Variants in DPP6 observed in about 807,000 individuals in gnomAD.
DPP6 encodes the protein A-type potassium channel modulatory protein DPP6.
DPP6 carries 69 observed loss-of-function variants against 122.6 expected under a neutral mutation model. That is an observed-to-expected ratio of 0.56 (90% CI 0.46 to 0.69). The LOEUF (loss-of-function observed/expected upper bound fraction) is 0.69. Ranked by LOEUF, DPP6 falls within the 30% of genes least tolerant of loss-of-function variation. DPP6 has a pLI of 0.00. For missense variants in DPP6, 928 were observed against 1,116.9 expected, an observed-to-expected ratio of 0.83 and a Z score of 2.41; for synonymous variants, 418 against 433.1, an observed-to-expected ratio of 0.97 and a Z score of 0.43.
chr7:154,819,984 C>T (rs549128884), intron 16 of DPP6, among the ~76,000 whole-genome samples: 74 of 152,262 alleles, frequency 4.9e-4, no homozygotes, highest in African/African-American at 1.7e-3. Flanking sequence ...CCAGAGTGGA[C>T]GGTGGGGCTG....
At chr7:154,406,099 GTC>G (rs1164278114) in intron 1 of DPP6, among the ~76,000 whole-genome samples, 1 of 152,168 alleles carries the variant, frequency 6.6e-6, no homozygotes, top group Non-Finnish European at 1.5e-5. Context: ...ATGCTGTAAA[GTC>G]TATGCAAAAT....
chr7:154,786,456 G>C (rs1026875121), intron 10 of DPP6, among the ~76,000 whole-genome samples: 1 of 152,124 alleles, frequency 6.6e-6, no homozygotes, highest in African/African-American at 2.4e-5. Flanking sequence ...AATCATGGGG[G>C]CAGTTACTCC....
At chr7:154,745,721 G>C (rs1843006744) in intron 8 of DPP6, among the ~76,000 whole-genome samples, 1 of 152,240 alleles carries the variant, frequency 6.6e-6, no homozygotes, top group Non-Finnish European at 1.5e-5. Context: ...CACATAGTGA[G>C]AGAGAAAGCA....
the DPP6 span, among the ~76,000 whole-genome samples, chr7:153,784,420 A>C: frequency 6.6e-6 from 1 of 152,244 alleles, no homozygotes; most frequent in Non-Finnish European, 1.5e-5. Flanking sequence ...ACATTTAGTT[A>C]GCATTATGCC....
intron 22 of DPP6, among the ~76,000 whole-genome samples, chr7:154,886,780 C>A (rs1055307193): frequency 1.3e-5 from 2 of 152,192 alleles, no homozygotes; most frequent in Non-Finnish European, 2.9e-5. Context: ...GCTGGCCGAG[C>A]CCTGTAGACA....
chr7:153,813,155 G>C, the DPP6 span, among the ~76,000 whole-genome samples: 1 of 151,780 alleles, frequency 6.6e-6, no homozygotes, highest in African/African-American at 2.4e-5. Flanking sequence ...ATCTCCTAAA[G>C]CTATCCCTCC....
At chr7:154,181,277 A>C (rs186232529) in intron 1 of DPP6, among the ~76,000 whole-genome samples, 1 of 152,312 alleles carries the variant, frequency 6.6e-6, no homozygotes, top group East Asian at 1.9e-4. Flanking sequence ...CCACTCGTAG[A>C]AACTGTCTTT....
chr7:154,848,785 C>G (rs1802145599), intron 16 of DPP6, among the ~76,000 whole-genome samples: 1 of 151,264 alleles, frequency 6.6e-6, no homozygotes, highest in South Asian at 2.2e-4. Context: ...AGTAGTTTTA[C>G]AATTTCAGGT....
intron 1 of DPP6, among the ~76,000 whole-genome samples, chr7:154,371,436 CA>C (rs1232829062): frequency 9.8e-6 from 1 of 101,678 alleles, no homozygotes; most frequent in African/African-American, 3.6e-5. Flanking sequence ...AAAAAACAAA[CA>C]AAAAAATGTT....
chr7:154,881,565 G>A (rs1411390475), intron 21 of DPP6, among the ~76,000 whole-genome samples: 2 of 152,208 alleles, frequency 1.3e-5, no homozygotes, highest in East Asian at 3.8e-4. Context: ...ACACAGATGG[G>A]TCGGTATAGA....
intron 4 of DPP6, among the ~76,000 whole-genome samples, chr7:154,542,032 CTTTCA>C (rs1404507663): frequency 1.3e-5 from 2 of 152,134 alleles, no homozygotes; most frequent in African/African-American, 2.4e-5. Context: ...TATTTAAATA[CTTTCA>C]TTTCTTTTCT....
chr7:154,272,892 A>T (rs188384131), intron 1 of DPP6, among the ~76,000 whole-genome samples: 168 of 152,250 alleles, frequency 1.1e-3, no homozygotes, highest in Non-Finnish European at 1.8e-3. Context: ...ACATCTGTGG[A>T]GTTTCCTGTT....
intron 21 of DPP6, chr7:154,883,796 G>C (rs62649267): frequency 8.0e-6 from 1 of 124,450 alleles, no homozygotes. Context: ...TACATACACC[G>C]ACTCACGCAC....
intron 1 of DPP6, among the ~76,000 whole-genome samples, chr7:153,890,029 G>C (rs1278616555): frequency 6.6e-6 from 1 of 152,168 alleles, no homozygotes; most frequent in Non-Finnish European, 1.5e-5. Context: ...GCCTCTCTTG[G>C]ATTAGATGAC....
chr7:154,143,227 A>G (rs1542627), intron 1 of DPP6, among the ~76,000 whole-genome samples: 15 of 152,194 alleles, frequency 9.9e-5, no homozygotes, highest in African/African-American at 3.4e-4. Context: ...CAACAAAGAC[A>G]GAGTGTTTTG....
chr7:154,343,014 G>A (rs1480569397), intron 1 of DPP6, among the ~76,000 whole-genome samples: 8 of 152,180 alleles, frequency 5.3e-5, no homozygotes, highest in Non-Finnish European at 1.2e-4. Context: ...AAACCATCTC[G>A]CCGCTAACCA....
In DPP6 at chr7:154,863,727, A is replaced by G. The variant is rs758943547; in HGVS notation, c.1715-4268A>G. 6.6e-6 allele frequency among the ~76,000 whole-genome samples: 1 copy of G among 151,862 alleles called. No homozygotes were observed. The highest frequency in any genetic ancestry group is 1.5e-5 in the Non-Finnish European group (1 of 67,986). On this transcript the variant is annotated intron_variant, in intron 17 of 25. Coordinates refer to ENST00000377770, the MANE Select transcript of DPP6 (RefSeq NM_130797.4). This position sits in a 1 kb window ranked among gnomAD's most constrained non-coding sequence, Gnocchi z 4.1. ...CTGCTCAGGAGGCTAAGGTGGGAGG[A>G]TTGCTTGAGCCCGGGTGTTCGAGGC... is the stretch of plus-strand genomic sequence containing the variant.
chr7:153,895,430 G>A (rs992247515), intron 1 of DPP6, among the ~76,000 whole-genome samples: 1 of 152,164 alleles, frequency 6.6e-6, no homozygotes, highest in Non-Finnish European at 1.5e-5. Context: ...GTTAAGGGTA[G>A]CCTCATTACT....
chr7:154,012,369 A>G (rs1798191645), intron 1 of DPP6, among the ~76,000 whole-genome samples: 1 of 152,260 alleles, frequency 6.6e-6, no homozygotes, highest in African/African-American at 2.4e-5. Flanking sequence ...GAAAAGTACA[A>G]TATCTGAAAA....
Sources: allele counts gnomAD v4.1 joint callset (sites outside exome capture counted in the v4.1 genomes callset), GRCh38; gene constraint gnomAD v4.1.1; non-coding constraint Gnocchi (gnomAD v3.1); transcripts MANE v1.5; gene names NCBI Gene and HGNC (gene_info 2026-07-23, HGNC 2026-07-21).